VDAC1: variants seen among roughly 807,000 people sequenced by gnomAD.
VDAC1 encodes the protein non-selective voltage-gated ion channel VDAC1.
A neutral mutation model predicts 34.7 loss-of-function variants in VDAC1; 10 were observed. That is an observed-to-expected ratio of 0.29 (90% CI 0.18 to 0.49). The LOEUF (loss-of-function observed/expected upper bound fraction) is 0.49, where lower values mean the gene tolerates loss of function less well. VDAC1 is among the 20% of genes least tolerant of loss of function. The probability of loss-of-function intolerance (pLI) is 0.99; values close to 1 mark genes in which losing one functional copy is unlikely to be tolerated. For synonymous variants in VDAC1, 130 were observed against 136.0 expected (o/e 0.96, Z 0.30); for missense variants, 230 against 347.9 (o/e 0.66, Z 2.69).
chr5:134,044,607 G>A, the VDAC1 span, among the ~76,000 whole-genome samples: 8 of 130,274 alleles, frequency 6.1e-5, no homozygotes, highest in African/African-American at 1.0e-4. Context: ...ATTGGTGCAC[G>A]TGTGTGTGCA....
At position 133,980,831 on chromosome 5, in the gene VDAC1, A is replaced by C; in HGVS notation, c.449T>G (p.Leu150Arg). 6.2e-7 allele frequency: 1 copy of C among 1,613,710 alleles called. No individual in the cohort carries two copies. Among genetic ancestry groups the C allele is most frequent in the Non-Finnish European group, 8.5e-7 (1 of 1,179,898 alleles). ...GALVLGYEGW[L>R]AGYQMNFETA... ...CTCAAAATTCATCTGGTAGCCGGCC[A>C]GCCAGCCCTCGTAACCTAGCACCAG... The change falls in exon 6 of 9, where the codon CTG becomes CGG. Residue 150 changes from leucine (L) to arginine (R), a missense_variant. Physicochemically the swap from Leu to Arg is moderately radical, Grantham distance 102. Coordinates refer to ENST00000265333, the MANE Select transcript of VDAC1 (RefSeq NM_003374.3).
the VDAC1 span, among the ~76,000 whole-genome samples, chr5:134,091,382 C>T: frequency 6.6e-6 from 1 of 152,090 alleles, no homozygotes; most frequent in African/African-American, 2.4e-5. Flanking sequence ...CCCCTAACAC[C>T]ACAGAATCAT....
chr5:134,052,488 G>T, the VDAC1 span, among the ~76,000 whole-genome samples: 1 of 151,970 alleles, frequency 6.6e-6, no homozygotes, highest in Admixed American at 6.6e-5. Flanking sequence ...AGAGGCAAAG[G>T]TCTCTCCATG....
At chr5:134,057,744 G>A in the VDAC1 span, among the ~76,000 whole-genome samples, 2 of 151,220 alleles carry the variant, frequency 1.3e-5, no homozygotes, top group Admixed American at 6.6e-5. Flanking sequence ...CTGCCAAATG[G>A]CCCTTCAGAA....
chr5:134,009,833 A>T (rs891681827), upstream of VDAC1, among the ~76,000 whole-genome samples: 1 of 151,742 alleles, frequency 6.6e-6, no homozygotes, highest in Non-Finnish European at 1.5e-5. Flanking sequence ...GGTGCGTGCC[A>T]CCACGTCTGG....
At chr5:134,060,268 G>A in the VDAC1 span, among the ~76,000 whole-genome samples, 24 of 152,048 alleles carry the variant, frequency 1.6e-4, no homozygotes, top group African/African-American at 3.4e-4. Flanking sequence ...ACGTTGATGC[G>A]CTGCACGCAC....
chr5:134,055,608 T>G, the VDAC1 span, among the ~76,000 whole-genome samples: 1 of 142,164 alleles, frequency 7.0e-6, no homozygotes, highest in African/African-American at 2.6e-5. Flanking sequence ...TTTTTTTTTT[T>G]TTTTTTTTTT....
At chr5:133,992,529 A>G (rs1753143409) in intron 2 of VDAC1, among the ~76,000 whole-genome samples, 174 bp from the exon 3 acceptor site, 1 of 152,308 alleles carries the variant, frequency 6.6e-6, no homozygotes, top group East Asian at 1.9e-4. Flanking sequence ...GCTGCCATGG[A>G]ACAGCAGCAG....
At chr5:134,085,358 G>A in the VDAC1 span, among the ~76,000 whole-genome samples, 12 of 151,990 alleles carry the variant, frequency 7.9e-5, no homozygotes, top group East Asian at 1.4e-3. Flanking sequence ...GTGAGCCACC[G>A]CGTGTGGCCC....
chr5:134,051,205 G>C, the VDAC1 span, among the ~76,000 whole-genome samples: 1 of 152,184 alleles, frequency 6.6e-6, no homozygotes, highest in East Asian at 1.9e-4. Context: ...CCAGGAGCCA[G>C]GGGGGCCAGG....
At chr5:133,997,541 T>TA (rs942105513) in intron 1 of VDAC1, among the ~76,000 whole-genome samples, 22 of 136,198 alleles carry the variant, frequency 1.6e-4, no homozygotes, top group South Asian at 2.4e-4. Context: ...CTACTAAAAA[T>TA]AAAAAAAAAA....
At chr5:134,036,964 C>T in the VDAC1 span, among the ~76,000 whole-genome samples, 2 of 150,484 alleles carry the variant, frequency 1.3e-5, no homozygotes, top group Non-Finnish European at 3.0e-5. Flanking sequence ...AAAAAAAAAA[C>T]AAAAAAACAA....
chr5:134,000,947 C>T (rs763893879), intron 1 of VDAC1, among the ~76,000 whole-genome samples: 1 of 152,148 alleles, frequency 6.6e-6, no homozygotes, highest in Non-Finnish European at 1.5e-5. Context: ...TGAAAGAATG[C>T]CTCCCACCAG....
the VDAC1 span, among the ~76,000 whole-genome samples, chr5:134,064,446 A>T: frequency 1.3e-5 from 2 of 152,036 alleles, no homozygotes; most frequent in Non-Finnish European, 2.9e-5. Flanking sequence ...CTGGGATTAC[A>T]GGCATTTGCC....
chr5:134,007,449 G>A (rs1298224148), upstream of VDAC1, among the ~76,000 whole-genome samples: 1 of 152,048 alleles, frequency 6.6e-6, no homozygotes, highest in Non-Finnish European at 1.5e-5. Flanking sequence ...AATAGTATTA[G>A]TAATTTTTTA....
chr5:134,094,147 G>C, the VDAC1 span, among the ~76,000 whole-genome samples: 1 of 152,248 alleles, frequency 6.6e-6, no homozygotes, highest in African/African-American at 2.4e-5. Flanking sequence ...ACAGGCTTGA[G>C]CACTGCCTCA....
the VDAC1 span, among the ~76,000 whole-genome samples, chr5:134,033,852 A>C: frequency 0.021 from 3,192 of 151,346 alleles, 57 homozygotes; most frequent in Middle Eastern, 0.13. Flanking sequence ...ATTAGCCGGG[A>C]GTGGTGGCAG....
the VDAC1 span, among the ~76,000 whole-genome samples, chr5:134,096,209 C>T: frequency 6.0e-4 from 91 of 152,354 alleles, no homozygotes; most frequent in African/African-American, 2.1e-3. Flanking sequence ...TCCTCCTCAG[C>T]CCTCCCCAGG....
At chr5:134,060,529 C>A in the VDAC1 span, among the ~76,000 whole-genome samples, 1 of 151,850 alleles carries the variant, frequency 6.6e-6, no homozygotes, top group South Asian at 2.1e-4. Flanking sequence ...AATTTGGAAG[C>A]ATTTCAAACA....
Sources: gnomAD v4.1 joint callset for allele counts (sites outside exome capture counted in the v4.1 genomes callset) on GRCh38, gnomAD v4.1.1 for gene constraint, MANE v1.5 for transcripts, NCBI Gene and HGNC (gene_info 2026-07-23, HGNC 2026-07-21) for gene names.